CXXC5: variants seen among roughly 807,000 people sequenced by gnomAD.
CXXC5 encodes CXXC-type zinc finger protein 5.
CXXC5 carries 2 observed loss-of-function variants against 17.6 expected under a neutral mutation model. The observed-to-expected ratio is 0.11, with a 90% CI of 0.05 to 0.36. The LOEUF is 0.36. Among genes scored for constraint, CXXC5 ranks in the 10% least tolerant of loss-of-function variants. The pLI, the probability that CXXC5 is intolerant of heterozygous loss-of-function variation, is 1.00. For synonymous variants in CXXC5, 171 were observed against 193.0 expected, an observed-to-expected ratio of 0.89 and a Z score of 0.94; for missense variants, 343 against 458.3, an observed-to-expected ratio of 0.75 and a Z score of 2.30.
In CXXC5 at chr5:139,658,764, G is replaced by A. The variant is rs1211867866; in HGVS notation, c.-161+9919G>A. On this transcript the variant is annotated intron_variant, in intron 1 of 2. Coordinates refer to ENST00000302517, the MANE Select transcript of CXXC5 (RefSeq NM_016463.9). This position sits in a 1 kb window ranked among gnomAD's most constrained non-coding sequence, Gnocchi z 4.1. ...TCCCCCTCCCTTGGGGTCCTCAGCA[G>A]CCCCATCTGTGCAATGGGGAGAGGA... Among the ~76,000 whole-genome samples, 1 of 152,228 alleles carries A rather than the reference G, an allele frequency of 6.6e-6. No individual in the cohort carries two copies. The highest frequency in any genetic ancestry group is 1.5e-5 in the Non-Finnish European group (1 of 68,024).
intron 1 of CXXC5, among the ~76,000 whole-genome samples, chr5:139,675,900 G>C (rs1398948360): frequency 6.6e-6 from 1 of 152,224 alleles, no homozygotes; most frequent in South Asian, 2.1e-4. Context: ...CAACACAGGT[G>C]GTGGGGGCTG....
chr5:139,677,942 G>C (rs1238968014), intron 1 of CXXC5, among the ~76,000 whole-genome samples: 2 of 152,262 alleles, frequency 1.3e-5, no homozygotes, highest in African/African-American at 4.8e-5. Context: ...TGGGAGGAGG[G>C]AGGGGGTGAG....
chr5:139,682,256 A>G (rs1037841359), intron 2 of CXXC5, among the ~76,000 whole-genome samples: 52 of 152,186 alleles, frequency 3.4e-4, no homozygotes, highest in African/African-American at 1.3e-3. Context: ...GCTTGACGCA[A>G]ATGTCCAGAA....
intron 1 of CXXC5, among the ~76,000 whole-genome samples, chr5:139,655,879 CG>C (rs1755466255): frequency 6.6e-6 from 1 of 152,182 alleles, no homozygotes; most frequent in African/African-American, 2.4e-5. Flanking sequence ...AGCGGGCAGG[CG>C]GGCCTCACTG....
chr5:139,661,584 G>GCA lies in CXXC5; in HGVS notation c.-161+12744_-161+12745dup, dbSNP rs1755818639. ...CACATACACAGGCACACATAGGCGTGCACACATAGGCCACTCTCACCCCAT... is the reference window on the plus strand; with the variant it reads ...CACATACACAGGCACACATAGGCGTGCACACACATAGGCCACTCTCACCCCAT... On this transcript the variant is annotated intron_variant, in intron 1 of 2. Transcript: ENST00000302517. The surrounding 1 kb of genome is among the most constrained non-coding windows in gnomAD (Gnocchi z 4.7). Among the ~76,000 whole-genome samples, 1 of 152,200 alleles carries GCA rather than the reference G, an allele frequency of 6.6e-6. No homozygotes were observed. The highest frequency in any genetic ancestry group is 2.4e-5 in the African/African-American group (1 of 41,438).
At position 139,680,137 on chromosome 5, in the gene CXXC5, C is replaced by T. The variant is rs1302913317; in HGVS notation, c.-160-227C>T. 5.3e-5 allele frequency among the ~76,000 whole-genome samples: 8 copies of T among 152,310 alleles called. No homozygotes were observed. The South Asian group carries it at 6.2e-4, about 12-fold the overall frequency. ...CTGGTAGTTCTCCTAAATCTTGTTT[C>T]CCTCATCTATAAAGTAGATTACCAG... On this transcript the variant is annotated intron_variant, in intron 1 of 2. Coordinates refer to ENST00000302517, the MANE Select transcript of CXXC5 (RefSeq NM_016463.9).
chr5:139,657,942 CT>C (rs1755577732), intron 1 of CXXC5, among the ~76,000 whole-genome samples: 1 of 151,678 alleles, frequency 6.6e-6, no homozygotes, highest in Non-Finnish European at 1.5e-5. Context: ...ACCACCCACT[CT>C]CACTCTGGTG....
In CXXC5 at chr5:139,670,932, G is replaced by A. The variant is rs973413984; in HGVS notation, c.-160-9432G>A. On this transcript the variant is annotated intron_variant, in intron 1 of 2. Transcript: ENST00000302517. The surrounding 1 kb of genome is among the most constrained non-coding windows in gnomAD (Gnocchi z 4.2). Reference sequence around the variant, plus strand: ...CCAGGTAGACACGCGAAAACACACTGTATGCATTGCTCTCGTCACCATACA... The same window carrying A: ...CCAGGTAGACACGCGAAAACACACTATATGCATTGCTCTCGTCACCATACA... Among the ~76,000 whole-genome samples the A allele has an allele frequency of 6.6e-6, 1 of 152,240 alleles. No homozygotes were observed. Among genetic ancestry groups the A allele is most frequent in the Non-Finnish European group, 1.5e-5 (1 of 68,046 alleles).
At position 139,658,914 on chromosome 5, in the gene CXXC5, C is replaced by T. The variant is rs146186882; in HGVS notation, c.-161+10069C>T. On this transcript the variant is annotated intron_variant, in intron 1 of 2. Coordinates refer to ENST00000302517, the MANE Select transcript of CXXC5 (RefSeq NM_016463.9). The surrounding 1 kb of genome is among the most constrained non-coding windows in gnomAD (Gnocchi z 4.1). ...CCTAGCTGGGCGTTTGAACCCAGAA[C>T]ACTGAGAGATTCTGTTTGGAGTCAT... is the stretch of plus-strand genomic sequence containing the variant. 6.6e-4 allele frequency among the ~76,000 whole-genome samples: 101 copies of T among 152,336 alleles called. No homozygotes were observed. Among genetic ancestry groups the T allele is most frequent in the African/African-American group, 2.4e-3 (99 of 41,586 alleles).
rs1394066493 is a variant in CXXC5, at chr5:139,681,340, A to G, written c.817A>G (p.Ile273Val). The part of the protein sequence containing the change: ...CGMCAPCRRR[I>V]NCEQCSSCRN... ...CATGTGCGCGCCCTGCCGGCGGCGC[A>G]TCAACTGCGAGCAGTGCAGCAGTTG... Residue 273 changes from isoleucine to valine, a missense_variant, in exon 2 of 3, where the codon ATC becomes GTC. Physicochemically the swap from Ile to Val is conservative, Grantham distance 29. Coordinates refer to ENST00000302517, the MANE Select transcript of CXXC5 (RefSeq NM_016463.9). The G allele has an allele frequency of 6.2e-7, 1 of 1,612,500 alleles. No homozygotes were observed. The highest frequency in any genetic ancestry group is 8.5e-7 in the Non-Finnish European group (1 of 1,179,638).
chr5:139,674,953 A>G (rs1202984140), intron 1 of CXXC5, among the ~76,000 whole-genome samples: 1 of 152,184 alleles, frequency 6.6e-6, no homozygotes, highest in Non-Finnish European at 1.5e-5. Context: ...GCTCTCTTTC[A>G]TGCCTTTGTC....
intron 1 of CXXC5, among the ~76,000 whole-genome samples, chr5:139,666,412 G>C (rs944566747): frequency 7.2e-5 from 11 of 152,188 alleles, no homozygotes; most frequent in Non-Finnish European, 1.5e-4. Flanking sequence ...AGGGTACACA[G>C]AGACCCCCAC....
chr5:139,681,171 C>T lies in CXXC5; in HGVS notation c.648C>T (p.Ile216=). 1 of 1,612,952 alleles carries T rather than the reference C, an allele frequency of 6.2e-7. No homozygotes were observed. Among genetic ancestry groups the T allele is most frequent in the Admixed American group, 1.7e-5 (1 of 60,028 alleles). The part of the protein sequence containing the change: ...SDFPYLGAFP[I]NPGLFIMTPA... ...TCCCCTACCTGGGCGCTTTCCCCATCAACCCAGGCCTCTTCATTATGACCC... is the reference window on the plus strand; with the variant it reads ...TCCCCTACCTGGGCGCTTTCCCCATTAACCCAGGCCTCTTCATTATGACCC... Residue 216 remains isoleucine (I), a synonymous_variant, in exon 2 of 3, where the codon ATC becomes ATT. Coordinates refer to ENST00000302517, the MANE Select transcript of CXXC5 (RefSeq NM_016463.9).
chr5:139,652,974 G>T (rs982693215), intron 1 of CXXC5, among the ~76,000 whole-genome samples: 3 of 152,186 alleles, frequency 2.0e-5, no homozygotes, highest in East Asian at 1.9e-4. Context: ...TCTGTCTGTG[G>T]TGGCGGCTGG....
chr5:139,671,593 G>A (rs1022469862), intron 1 of CXXC5, among the ~76,000 whole-genome samples: 5 of 152,244 alleles, frequency 3.3e-5, no homozygotes, highest in African/African-American at 9.6e-5. Flanking sequence ...GGCCGGAGCC[G>A]GTTTCCGTCC....
At chr5:139,655,449 C>G (rs1371157827) in intron 1 of CXXC5, among the ~76,000 whole-genome samples, 3 of 151,288 alleles carry the variant, frequency 2.0e-5, no homozygotes, top group Admixed American at 2.0e-4. Flanking sequence ...CGCCGCCCCC[C>G]TGGGCATCCC....
intron 1 of CXXC5, chr5:139,680,055 T>G (rs1031290608): frequency 1.2e-5 from 2 of 173,672 alleles, no homozygotes; most frequent in African/African-American, 4.8e-5. Context: ...AGATTTGGGC[T>G]GTGGAGGCCT....
At chr5:139,650,461 G>A (rs936146042) in intron 1 of CXXC5, among the ~76,000 whole-genome samples, 1 of 152,288 alleles carries the variant, frequency 6.6e-6, no homozygotes, top group African/African-American at 2.4e-5. Flanking sequence ...GAGATCGCTC[G>A]GCCCTCGCCC....
upstream of CXXC5, among the ~76,000 whole-genome samples, chr5:139,647,740 T>C (rs1227333218): frequency 6.6e-6 from 1 of 152,198 alleles, no homozygotes; most frequent in Non-Finnish European, 1.5e-5. Context: ...AAATATCCTT[T>C]CTCGGATCAG....
Sources: allele counts gnomAD v4.1 joint callset (sites outside exome capture counted in the v4.1 genomes callset), GRCh38; gene constraint gnomAD v4.1.1; non-coding constraint Gnocchi (gnomAD v3.1); transcripts MANE v1.5; gene names NCBI Gene and HGNC (gene_info 2026-07-23, HGNC 2026-07-21).